The following ARHGAP35 variants were observed in gnomAD, a reference collection of about 807,000 sequenced individuals.
The protein encoded by ARHGAP35 is Rho GTPase activating protein 35.
In ARHGAP35, 15 loss-of-function variants were observed where a neutral mutation model predicts 111.1. The observed-to-expected ratio is 0.13, with a 90% CI of 0.09 to 0.21. The LOEUF (loss-of-function observed/expected upper bound fraction) is 0.21, where lower values mean the gene tolerates loss of function less well. ARHGAP35 is among the 10% of genes least tolerant of loss of function. ARHGAP35 has a pLI of 1.00. For synonymous variants in ARHGAP35, 643 were observed against 710.3 expected (o/e 0.91, Z 1.51); for missense variants, 1,262 against 1,873.0 (o/e 0.67, Z 6.02).
At chr19:46,963,871 A>T (rs752585850) in intron 3 of ARHGAP35, among the ~76,000 whole-genome samples, 60 of 151,876 alleles carry the variant, frequency 4.0e-4, no homozygotes, top group South Asian at 8.3e-4. Context: ...TTTATTTTTA[A>T]TTTTTTTATT....
intron 2 of ARHGAP35, among the ~76,000 whole-genome samples, chr19:46,928,574 A>G (rs946849255): frequency 6.6e-6 from 1 of 151,456 alleles, no homozygotes; most frequent in Non-Finnish European, 1.5e-5. Flanking sequence ...CACACTGGCC[A>G]CGAGTTGTCT....
chr19:46,909,438 G>A (rs913923544), intron 1 of ARHGAP35, among the ~76,000 whole-genome samples: 5 of 152,308 alleles, frequency 3.3e-5, no homozygotes, highest in South Asian at 2.1e-4. Context: ...AATTTATAGA[G>A]AGTATAGTGA....
At chr19:46,961,817 C>T (rs2056484165) in intron 3 of ARHGAP35, among the ~76,000 whole-genome samples, 1 of 152,116 alleles carries the variant, frequency 6.6e-6, no homozygotes, top group Non-Finnish European at 1.5e-5. Flanking sequence ...GTAGTCCCAA[C>T]TACTCGGGAG....
intron 5 of ARHGAP35, among the ~76,000 whole-genome samples, chr19:46,995,015 C>A (rs1365949018): frequency 6.6e-6 from 1 of 152,206 alleles, no homozygotes; most frequent in Non-Finnish European, 1.5e-5. Flanking sequence ...TGTTGAGGGA[C>A]CTGTGCCTGG....
intron 1 of ARHGAP35, among the ~76,000 whole-genome samples, chr19:46,892,229 G>A (rs897225516): frequency 4.7e-5 from 7 of 150,392 alleles, no homozygotes; most frequent in East Asian, 1.9e-4. Flanking sequence ...ACTTGAACCC[G>A]GGAGGCAAAG....
intron 1 of ARHGAP35, among the ~76,000 whole-genome samples, chr19:46,863,655 C>T (rs1032914207): frequency 4.6e-5 from 7 of 151,436 alleles, no homozygotes; most frequent in African/African-American, 1.5e-4. Context: ...CCTTCCCCCC[C>T]GCCTTCGCCC....
intron 1 of ARHGAP35, among the ~76,000 whole-genome samples, chr19:46,907,569 C>T (rs1378634672): frequency 6.6e-6 from 1 of 151,978 alleles, no homozygotes; most frequent in Admixed American, 6.6e-5. Flanking sequence ...AGCTCCGCCT[C>T]CCGGGTTCAC....
rs1403381436 is a variant in ARHGAP35, at chr19:46,922,037, A to G, written c.3362A>G (p.Asn1121Ser). 3 of 1,613,912 alleles carry G rather than the reference A, an allele frequency of 1.9e-6. No individual in the cohort carries two copies. Among genetic ancestry groups the G allele is most frequent in the Admixed American group, 1.7e-5 (1 of 60,010 alleles). Reference sequence around the variant, plus strand: ...CAAGGCAAAATCATCACCATTCGGAATATCAACAAAGCCCAGTCCAACGGC... The same window carrying G: ...CAAGGCAAAATCATCACCATTCGGAGTATCAACAAAGCCCAGTCCAACGGC... The part of the protein sequence containing the change: ...STQGKIITIR[N>S]INKAQSNGSG... The change falls in exon 2 of 7, where the codon AAT (asparagine) becomes AGT (serine). Residue 1121 changes from asparagine to serine, a missense_variant. Physicochemically the swap from Asn to Ser is conservative, Grantham distance 46. Transcript: ENST00000672722. The surrounding 1 kb of genome is among the most constrained non-coding windows in gnomAD (Gnocchi z 4.0).
At position 46,919,532 on chromosome 19, in the gene ARHGAP35, A is replaced by G; in HGVS notation, c.857A>G (p.Lys286Arg). The G allele has an allele frequency of 6.2e-7, 1 of 1,613,954 alleles. No homozygotes were observed. Among genetic ancestry groups the G allele is most frequent in the Non-Finnish European group, 8.5e-7 (1 of 1,179,894 alleles). The change falls in exon 2 of 7, where the codon AAA (lysine) becomes AGA (arginine). Residue 286 changes from lysine to arginine, a missense_variant. This residue lies in a region of ARHGAP35 where 328 missense variants were observed against 440.8 expected (regional missense o/e 0.74). Transcript: ENST00000672722. This position sits in a 1 kb window ranked among gnomAD's most constrained non-coding sequence, Gnocchi z 6.2. ...KYEWLVSRIV[K>R]NHNENWLSVS... ...GAGTGGCTGGTGAGTCGCATTGTGA[A>G]AAACCACAATGAGAACTGGCTGAGT...
At chr19:46,943,932 A>G (rs2056363883) in intron 3 of ARHGAP35, among the ~76,000 whole-genome samples, 1 of 152,120 alleles carries the variant, frequency 6.6e-6, no homozygotes, top group South Asian at 2.1e-4. Flanking sequence ...CGTGGGGAGG[A>G]GGGTGGCATA....
intron 3 of ARHGAP35, among the ~76,000 whole-genome samples, chr19:46,937,793 A>G (rs926017729): frequency 6.6e-6 from 1 of 152,218 alleles, no homozygotes; most frequent in Non-Finnish European, 1.5e-5. Context: ...CCTCAGTACT[A>G]TAGTGGATAC....
At chr19:46,976,210 C>CTTTT (rs772367746) in intron 3 of ARHGAP35, among the ~76,000 whole-genome samples, 14 of 118,724 alleles carry the variant, frequency 1.2e-4, no homozygotes, top group East Asian at 2.4e-4. Flanking sequence ...AAGCTTTCTC[C>CTTTT]TTTTTTTTTT....
At chr19:46,882,669 C>T (rs187849295) in intron 1 of ARHGAP35, among the ~76,000 whole-genome samples, 137 of 152,262 alleles carry the variant, frequency 9.0e-4, no homozygotes, top group Middle Eastern at 6.8e-3. Context: ...CACCTCCTGA[C>T]AGGCCCCTTT....
chr19:46,892,147 AG>A lies in ARHGAP35; in HGVS notation c.-188-26340del, dbSNP rs148622270. 2.6e-3 allele frequency among the ~76,000 whole-genome samples: 381 copies of A among 147,332 alleles called. 1 individual carries two copies. The highest frequency in any genetic ancestry group is 8.8e-3 in the African/African-American group (355 of 40,188). ...CTAAAAAAAAAAAAAAAAAAAAAAA[AG>A]AAAAATTAGCCAGGCCTGGTGGCAT... On this transcript the variant is annotated intron_variant, in intron 1 of 6. Coordinates refer to ENST00000672722, the MANE Select transcript of ARHGAP35 (RefSeq NM_004491.5).
At chr19:46,866,212 T>C (rs1347959894) in intron 1 of ARHGAP35, among the ~76,000 whole-genome samples, 2 of 152,204 alleles carry the variant, frequency 1.3e-5, no homozygotes, top group Non-Finnish European at 2.9e-5. Context: ...TTGGTAAGAT[T>C]TCTTTTTCAC....
Position 46,926,606 on chromosome 19 carries a change from C to A in ARHGAP35, c.3681+4250C>A, listed in dbSNP as rs2056239566. On this transcript the variant is annotated intron_variant, in intron 2 of 6. Transcript: ENST00000672722. The surrounding 1 kb of genome is among the most constrained non-coding windows in gnomAD (Gnocchi z 4.1). ...CATTATTGGCTATTTACCCTTCTATCTGATGTGTTCTTATTTTGGTGCTAA... is the reference window on the plus strand; with the variant it reads ...CATTATTGGCTATTTACCCTTCTATATGATGTGTTCTTATTTTGGTGCTAA... Among the ~76,000 whole-genome samples, 1 of 151,790 alleles carries A rather than the reference C, an allele frequency of 6.6e-6. No individual in the cohort carries two copies. Among genetic ancestry groups the A allele is most frequent in the African/African-American group, 2.4e-5 (1 of 41,270 alleles).
At position 46,921,700 on chromosome 19, in the gene ARHGAP35, C is replaced by G; in HGVS notation, c.3025C>G (p.His1009Asp). 6.2e-7 allele frequency: 1 copy of G among 1,613,942 alleles called. No homozygotes were observed. Among genetic ancestry groups the G allele is most frequent in the Non-Finnish European group, 8.5e-7 (1 of 1,179,876 alleles). Residue 1009 changes from histidine to aspartate, a missense_variant, in exon 2 of 7, where the codon CAT becomes GAT. Physicochemically the swap from His to Asp is moderately conservative, Grantham distance 81. Transcript: ENST00000672722. This position sits in a 1 kb window ranked among gnomAD's most constrained non-coding sequence, Gnocchi z 4.3. ...DTSLPSLSKD[H>D]SKLSMELEGN... Reference sequence around the variant, plus strand: ...ATCACTGCCTTCTCTGTCCAAAGACCATTCTAAGCTCTCTATGGAACTGGA... The same window carrying G: ...ATCACTGCCTTCTCTGTCCAAAGACGATTCTAAGCTCTCTATGGAACTGGA...
intron 1 of ARHGAP35, among the ~76,000 whole-genome samples, chr19:46,873,648 A>AG (rs1444431901): frequency 1.3e-5 from 2 of 151,792 alleles, no homozygotes; most frequent in East Asian, 3.9e-4. Flanking sequence ...AAAAAAAAAA[A>AG]AAGCCGTCGG....
intron 3 of ARHGAP35, among the ~76,000 whole-genome samples, chr19:46,963,152 T>G (rs2056494205): frequency 6.6e-6 from 1 of 152,190 alleles, no homozygotes; most frequent in South Asian, 2.1e-4. Context: ...GATGGGAGAT[T>G]CTCAGCGTCC....
Sources: gnomAD v4.1 joint callset for allele counts (sites outside exome capture counted in the v4.1 genomes callset) on GRCh38, gnomAD v4.1.1 for gene constraint, gnomAD v4.1.1 regional missense constraint, Gnocchi (gnomAD v3.1) non-coding constraint, MANE v1.5 for transcripts, NCBI Gene and HGNC (gene_info 2026-07-23, HGNC 2026-07-21) for gene names.